CHURC1: variants seen among roughly 807,000 people sequenced by gnomAD.
CHURC1 encodes protein Churchill.
In CHURC1, 12 loss-of-function variants were observed where a neutral mutation model predicts 15.4. The observed-to-expected ratio is 0.78, with a 90% CI of 0.50 to 1.27. The LOEUF (loss-of-function observed/expected upper bound fraction) is 1.27, where lower values mean the gene tolerates loss of function less well. Among genes scored for constraint, CHURC1 ranks in the 50% most tolerant of loss-of-function variants. CHURC1 has a pLI of 0.00. For synonymous variants in CHURC1, 42 were observed against 47.5 expected, an observed-to-expected ratio of 0.88 and a Z score of 0.48; for missense variants, 132 against 137.8, an observed-to-expected ratio of 0.96 and a Z score of 0.21.
chr14:64,933,732 A>T lies in CHURC1; in HGVS notation c.*1502A>T. The T allele has an allele frequency of 1.0e-6, 1 of 985,448 alleles. No homozygotes were observed. Among genetic ancestry groups the T allele is most frequent in the Non-Finnish European group, 1.2e-6 (1 of 829,926 alleles). 61.0% of individuals were successfully genotyped at this position (985,448 alleles called of 1,614,324 possible). Reference sequence around the variant, plus strand: ...ACAAAAGTGTTTCTTCATATCTAGGAGATTTGGAAATTCTGAACTAAGGTC... The same window carrying T: ...ACAAAAGTGTTTCTTCATATCTAGGTGATTTGGAAATTCTGAACTAAGGTC... On this transcript the variant is annotated 3_prime_UTR_variant, in exon 4 of 4. Coordinates refer to ENST00000549115, the MANE Select transcript of CHURC1 (RefSeq NM_001386928.1).
In CHURC1 at chr14:64,914,554, C is replaced by G; in HGVS notation, c.39+20C>G. On this transcript the variant is annotated intron_variant, in intron 1 of 3. Transcript: ENST00000549115. ...AACCGGGTGAGCGACTGGGCGCTCC[C>G]TTGGCCCGCGGGCGGCCCCCGAGGT... The G allele has an allele frequency of 6.2e-7, 1 of 1,614,036 alleles. No homozygotes were observed. Among genetic ancestry groups the G allele is most frequent in the Non-Finnish European group, 8.5e-7 (1 of 1,179,892 alleles).
rs184224062 is a variant in CHURC1 at position 64,915,728 on chromosome 14, C to T, written c.39+1194C>T. ...TGAGCCTTATAAAATACAGACATGA[C>T]CCAGTGATTCCCATTCTAGAAAAAT... On this transcript the variant is annotated intron_variant, in intron 1 of 3. Transcript: ENST00000549115. 4.6e-5 allele frequency among the ~76,000 whole-genome samples: 7 copies of T among 152,292 alleles called. No homozygotes were observed. The East Asian group carries it at 1.2e-3, about 25-fold the overall frequency.
intron 1 of CHURC1, among the ~76,000 whole-genome samples, chr14:64,918,326 T>C (rs1053758010): frequency 6.6e-6 from 1 of 152,202 alleles, no homozygotes; most frequent in Admixed American, 6.5e-5. Context: ...ATAAAGAACA[T>C]TCTGACATTT....
At chr14:64,926,943 C>A (rs1226748548) in intron 3 of CHURC1, among the ~76,000 whole-genome samples, 3 of 152,160 alleles carry the variant, frequency 2.0e-5, no homozygotes, top group Admixed American at 1.3e-4. Context: ...AAACTGAAAC[C>A]TATCTCTGTC....
At chr14:64,927,519 A>G (rs535635462) in intron 3 of CHURC1, among the ~76,000 whole-genome samples, 1 of 152,274 alleles carries the variant, frequency 6.6e-6, no homozygotes, top group South Asian at 2.1e-4. Flanking sequence ...AAGCCATTGT[A>G]AATTAGCTAG....
At chr14:64,925,696 C>CAAAAAAAAAAAAAAAAAAAA (rs3033506) in intron 2 of CHURC1, among the ~76,000 whole-genome samples, 1 of 66,196 alleles carries the variant, frequency 1.5e-5, no homozygotes, top group East Asian at 4.5e-4. Flanking sequence ...GACCCGGCCT[C>CAAAAAAAAAAAAAAAAAAAA]AAAAAAAAAA....
rs747981007 is a variant in CHURC1 at position 64,934,861 on chromosome 14, G to A, written c.*2631G>A. ...ATTATCTATTTGTTTTGGACTATAT[G>A]TTACAAAAATTTAAAACATAAGATC... On this transcript the variant is annotated 3_prime_UTR_variant, in exon 4 of 4. Transcript: ENST00000549115. 9.5e-5 allele frequency: 94 copies of A among 984,378 alleles called. No homozygotes were observed. The highest frequency in any genetic ancestry group is 1.0e-4 in the Non-Finnish European group (83 of 829,178). The allele number at this position is 984,378 out of a possible 1,614,324, so 61.0% of individuals were successfully genotyped here.
At position 64,926,097 on chromosome 14, in the gene CHURC1, G is replaced by T; in HGVS notation, c.246+17G>T. The T allele has an allele frequency of 6.5e-7, 1 of 1,539,664 alleles. No homozygotes were observed. Among genetic ancestry groups the T allele is most frequent in the Non-Finnish European group, 8.9e-7 (1 of 1,129,694 alleles). ...GAATTTCAGGTAAATATAAATATGGGTATAAATATAAATATGGGGAGGTTA... is the reference window on the plus strand; with the variant it reads ...GAATTTCAGGTAAATATAAATATGGTTATAAATATAAATATGGGGAGGTTA... On this transcript the variant is annotated intron_variant, in intron 3 of 3. Coordinates refer to ENST00000549115, the MANE Select transcript of CHURC1 (RefSeq NM_001386928.1).
In CHURC1 at chr14:64,934,070, C is replaced by T. The variant is rs1885215830; in HGVS notation, c.*1840C>T. 1.6e-5 allele frequency: 15 copies of T among 967,256 alleles called. No homozygotes were observed. Among genetic ancestry groups the T allele is most frequent in the African/African-American group, 1.8e-5 (1 of 56,056 alleles). The allele number at this position is 967,256 out of a possible 1,614,324, so 59.9% of individuals were successfully genotyped here. On this transcript the variant is annotated 3_prime_UTR_variant, in exon 4 of 4. Coordinates refer to ENST00000549115, the MANE Select transcript of CHURC1 (RefSeq NM_001386928.1). ...AAGAAGTTAAATAACTTGCCGGGTGCGGTGGCTCACCCCTGTAATCCCAGC... is the reference window on the plus strand; with the variant it reads ...AAGAAGTTAAATAACTTGCCGGGTGTGGTGGCTCACCCCTGTAATCCCAGC...
At chr14:64,918,283 G>A (rs776116145) in intron 1 of CHURC1, among the ~76,000 whole-genome samples, 12 of 152,164 alleles carry the variant, frequency 7.9e-5, no homozygotes, top group Admixed American at 1.3e-4. Context: ...TAATTAGTGG[G>A]TGGATGTTAC....
intron 1 of CHURC1, among the ~76,000 whole-genome samples, chr14:64,921,350 T>C (rs1211701509): frequency 3.3e-5 from 5 of 152,156 alleles, no homozygotes; most frequent in African/African-American, 7.2e-5. Context: ...AATTGGACTT[T>C]ATGAAAATCA....
At position 64,914,532 on chromosome 14, in the gene CHURC1, C is replaced by T. The variant is rs778496601; in HGVS notation, c.37C>T (p.Arg13Trp). The change falls in exon 1 of 4, where the codon CGG becomes TGG. Residue 13 changes from arginine to tryptophan, a missense_variant and splice_region_variant. Coordinates refer to ENST00000549115, the MANE Select transcript of CHURC1 (RefSeq NM_001386928.1). ...GDCVEKEYPN[R>W]GNTCLENGSF... ...CTGTGTGGAGAAGGAATATCCCAAC[C>T]GGGTGAGCGACTGGGCGCTCCCTTG... The T allele has an allele frequency of 6.2e-7, 1 of 1,614,214 alleles. No individual in the cohort carries two copies. The highest frequency in any genetic ancestry group is 1.7e-5 in the Admixed American group (1 of 60,036).
chr14:64,923,179 A>G, intron 1 of CHURC1, among the ~76,000 whole-genome samples: 1 of 149,588 alleles, frequency 6.7e-6, no homozygotes, highest in Non-Finnish European at 1.5e-5. Flanking sequence ...CACAACTGTA[A>G]TCCCAATACT....
intron 1 of CHURC1, among the ~76,000 whole-genome samples, chr14:64,919,611 G>A (rs948125652): frequency 5.3e-5 from 8 of 152,170 alleles, no homozygotes; most frequent in Non-Finnish European, 1.5e-5. Context: ...GGCCAGGTAT[G>A]GTGGCTCACG....
At chr14:64,924,341 G>T (rs868589826) in intron 2 of CHURC1, 1 of 444,314 alleles carries the variant, frequency 2.3e-6, no homozygotes, top group East Asian at 4.6e-5. Flanking sequence ...TAAAGCTTAC[G>T]ATTCAGGAAC....
rs151148995 is a variant in CHURC1 at position 64,928,037 on chromosome 14, T to C, written c.246+1957T>C. Among the ~76,000 whole-genome samples the C allele has an allele frequency of 7.2e-3, 1,090 of 152,218 alleles. 4 individuals are homozygous for C. Among genetic ancestry groups the C allele is most frequent in the Non-Finnish European group, 0.011 (760 of 68,008 alleles). On this transcript the variant is annotated intron_variant, in intron 3 of 3. Transcript: ENST00000549115. Reference sequence around the variant, plus strand: ...GACTGGCCCAGCTTCCCTTCTTTTATTTCCTGCTACTCTTTCATATGTACA... The same window carrying C: ...GACTGGCCCAGCTTCCCTTCTTTTACTTCCTGCTACTCTTTCATATGTACA...
rs1885181373 is a variant in CHURC1, at chr14:64,933,409, A to T, written c.*1179A>T. 8 of 985,482 alleles carry T rather than the reference A, an allele frequency of 8.1e-6. No individual in the cohort carries two copies. The highest frequency in any genetic ancestry group is 8.4e-6 in the Non-Finnish European group (7 of 829,950). The allele number at this position is 985,482 out of a possible 1,614,324, so 61.0% of individuals were successfully genotyped here. ...CTTTAAAGGGATTTTAGAATATCTTACTTTGCATAGTTTCATGAGCACTGG... is the reference window on the plus strand; with the variant it reads ...CTTTAAAGGGATTTTAGAATATCTTTCTTTGCATAGTTTCATGAGCACTGG... On this transcript the variant is annotated 3_prime_UTR_variant, in exon 4 of 4. Coordinates refer to ENST00000549115, the MANE Select transcript of CHURC1 (RefSeq NM_001386928.1).
In CHURC1 at chr14:64,934,099, T is replaced by G; in HGVS notation, c.*1869T>G. On this transcript the variant is annotated 3_prime_UTR_variant, in exon 4 of 4. Transcript: ENST00000549115. ...GGCTCACCCCTGTAATCCCAGCACT[T>G]TGGGAGGCCAAAGCAGGCGGATCAC... 1.0e-6 allele frequency: 1 copy of G among 962,754 alleles called. No individual in the cohort carries two copies. The highest frequency in any genetic ancestry group is 1.2e-6 in the Non-Finnish European group (1 of 809,484). 59.6% of individuals were successfully genotyped at this position (962,754 alleles called of 1,614,324 possible). A position where few individuals can be genotyped will look rare whatever the true frequency, so the allele number is the denominator to read the frequency against.
chr14:64,934,241 TG>T lies in CHURC1; in HGVS notation c.*2014del. 1 of 314,012 alleles carries T rather than the reference TG, an allele frequency of 3.2e-6. No individual in the cohort carries two copies. Among genetic ancestry groups the T allele is most frequent in the Non-Finnish European group, 4.6e-6 (1 of 216,686 alleles). The allele number at this position is 314,012 out of a possible 1,614,324, so 19.5% of individuals were successfully genotyped here. ...GTATGCACCTGCAGTCCCAGCAACATGGGAGGCTGAACAGGAGAATCGCTTG... is the reference window on the plus strand; with the variant it reads ...GTATGCACCTGCAGTCCCAGCAACATGGAGGCTGAACAGGAGAATCGCTTG... On this transcript the variant is annotated 3_prime_UTR_variant, in exon 4 of 4. Transcript: ENST00000549115.
Sources: gnomAD v4.1 joint callset for allele counts (sites outside exome capture counted in the v4.1 genomes callset) on GRCh38, gnomAD v4.1.1 for gene constraint, MANE v1.5 for transcripts, NCBI Gene and HGNC (gene_info 2026-07-23, HGNC 2026-07-21) for gene names.